Variants in COL4A2 observed in about 807,000 individuals in gnomAD.
COL4A2 encodes the protein collagen type IV alpha 2 chain, also known as collagen alpha-2(IV) chain.
Under a neutral mutation model 200.2 loss-of-function variants are expected in COL4A2, and 99 were observed. The ratio of observed to expected loss-of-function variants is 0.49; its 90% CI spans 0.42 to 0.58. COL4A2 has a LOEUF of 0.58. COL4A2 is among the 20% of genes least tolerant of loss of function. COL4A2 has a pLI of 0.00. For synonymous variants in COL4A2, 897 were observed against 900.6 expected (o/e 1.00, Z 0.07); for missense variants, 1,950 against 2,314.1 (o/e 0.84, Z 3.23).
chr13:110,487,550 A>G (rs927081154), intron 34 of COL4A2, among the ~76,000 whole-genome samples: 1 of 152,288 alleles, frequency 6.6e-6, no homozygotes, highest in Non-Finnish European at 1.5e-5. Context: ...ACTAGGAAAC[A>G]GCCCAAATGT....
intron 18 of COL4A2, 150 bp downstream of exon 18, chr13:110,447,014 C>A (rs74124349): frequency 4.0e-6 from 2 of 494,718 alleles, no homozygotes; most frequent in Non-Finnish European, 6.4e-6. Context: ...AAATAAACCA[C>A]GAAATTTAGA....
At chr13:110,462,682 A>C (rs1178930354) in intron 24 of COL4A2, among the ~76,000 whole-genome samples, 1 of 152,244 alleles carries the variant, frequency 6.6e-6, no homozygotes, top group Non-Finnish European at 1.5e-5. Context: ...CTATTCTAAA[A>C]TGGGTGGTGG....
intron 16 of COL4A2, among the ~76,000 whole-genome samples, chr13:110,445,435 G>C (rs550617591): frequency 5.3e-5 from 8 of 152,298 alleles, no homozygotes; most frequent in African/African-American, 1.7e-4. Context: ...GGAAACGTGG[G>C]GTTAGAAGAA....
Position 110,458,864 on chromosome 13 carries a change from G to C in COL4A2, c.1526G>C (p.Gly509Ala). The change falls in exon 22 of 48, where the codon GGG (glycine) becomes GCG (alanine). Residue 509 changes from glycine to alanine, a missense_variant. This residue lies in a region of COL4A2 where 1,385 missense variants were observed against 1,720.5 expected (regional missense o/e 0.80). Transcript: ENST00000360467. ...PGPKGFAGIN[G>A]EPGRKGDRGD... is the part of the protein sequence containing the mutation. ...CCCAAGGGCTTCGCAGGCATCAACG[G>C]GGAGCCGGGGAGGAAAGGGGACAGA... 6.2e-7 allele frequency: 1 copy of C among 1,612,972 alleles called. No homozygotes were observed. Among genetic ancestry groups the C allele is most frequent in the Non-Finnish European group, 8.5e-7 (1 of 1,179,388 alleles).
Position 110,357,494 on chromosome 13 carries a change from C to T in COL4A2, c.122C>T (p.Pro41Leu), listed in dbSNP as rs933086493. ...VLAGVKKFDVPCGGRDCSGGC... is the reference protein window; with the variant it reads ...VLAGVKKFDVLCGGRDCSGGC... ...CAGGGTGTGAAGAAGTTTGATGTGC[C>T]GTGTGGAGGAAGAGATTGCAGTGGG... Residue 41 changes from proline to leucine, a missense_variant, in exon 4 of 48, where the codon CCG becomes CTG. By Grantham distance (98) the Pro-to-Leu change is moderately conservative (BLOSUM62 -3). Transcript: ENST00000360467. The T allele has an allele frequency of 4.4e-6, 7 of 1,594,184 alleles. No homozygotes were observed. The highest frequency in any genetic ancestry group is 1.3e-5 in the African/African-American group (1 of 74,406).
chr13:110,435,559 A>G (rs1880839739), intron 12 of COL4A2, among the ~76,000 whole-genome samples: 2 of 152,224 alleles, frequency 1.3e-5, no homozygotes. Context: ...CATCATCTCC[A>G]TTTACTGCTG....
At chr13:110,315,968 G>A (rs1195274006) in intron 3 of COL4A2, among the ~76,000 whole-genome samples, 1 of 149,174 alleles carries the variant, frequency 6.7e-6, no homozygotes, top group African/African-American at 2.5e-5. Context: ...TTCTTACTGT[G>A]GGTTTTTTTT....
intron 14 of COL4A2, 120 bp from the exon 15 acceptor site, chr13:110,438,498 G>T: frequency 7.5e-7 from 1 of 1,326,382 alleles, no homozygotes; most frequent in Non-Finnish European, 1.1e-6. Flanking sequence ...ATCGCCAGGC[G>T]GTCTGGACAC....
At chr13:110,352,702 C>T (rs577828146) in intron 3 of COL4A2, among the ~76,000 whole-genome samples, 2 of 152,134 alleles carry the variant, frequency 1.3e-5, no homozygotes, top group South Asian at 2.1e-4. Flanking sequence ...TCGGTGGTCC[C>T]GAGTTCCCTG....
intron 3 of COL4A2, among the ~76,000 whole-genome samples, chr13:110,355,073 A>ACATTGCAAATTCC (rs1566489386): frequency 6.6e-6 from 1 of 152,268 alleles, no homozygotes; most frequent in Non-Finnish European, 1.5e-5. Flanking sequence ...GGCTGTGGTA[A>ACATTGCAAATTCC]AATACAATTT....
intron 7 of COL4A2, chr13:110,429,330 ATCT>A (rs1880588809): frequency 6.6e-6 from 1 of 152,412 alleles, no homozygotes; most frequent in Non-Finnish European, 1.5e-5. Context: ...AAACTACGTC[ATCT>A]TCTACTCTAT....
intron 4 of COL4A2, among the ~76,000 whole-genome samples, chr13:110,385,419 A>ACAGTGCGTGGATAGG (rs1878652719): frequency 1.3e-5 from 1 of 79,936 alleles, no homozygotes; most frequent in Non-Finnish European, 2.7e-5. Context: ...GTGTGGATAG[A>ACAGTGCGTGGATAGG]CTGTGGTTAC....
chr13:110,444,219 T>C (rs1287988520), intron 16 of COL4A2, among the ~76,000 whole-genome samples: 1 of 152,200 alleles, frequency 6.6e-6, no homozygotes, highest in Non-Finnish European at 1.5e-5. Context: ...TCAGCAGAGA[T>C]GGCAACACGT....
At chr13:110,467,733 C>T (rs9521791) in intron 27 of COL4A2, among the ~76,000 whole-genome samples, 15,274 of 152,254 alleles carry the variant, frequency 0.1, 808 homozygotes, top group Middle Eastern at 0.17. Flanking sequence ...CCAGGGTCTC[C>T]GTGGGCCTGT....
chr13:110,399,756 A>G (rs1879307354), intron 4 of COL4A2, among the ~76,000 whole-genome samples: 1 of 152,252 alleles, frequency 6.6e-6, no homozygotes, highest in Non-Finnish European at 1.5e-5. Flanking sequence ...TAATCTGATT[A>G]TGCCTGCCCT....
chr13:110,465,348 C>T (rs1428362304), intron 24 of COL4A2, 57 bp from the exon 25 acceptor site: 12 of 1,526,048 alleles, frequency 7.9e-6, no homozygotes, highest in South Asian at 3.9e-5. Flanking sequence ...ACAGGGAAGT[C>T]GAGGCGATCT....
chr13:110,331,588 G>A (rs1005676726), intron 3 of COL4A2, among the ~76,000 whole-genome samples: 14 of 152,308 alleles, frequency 9.2e-5, no homozygotes, highest in South Asian at 4.2e-4. Context: ...TTCACAGACC[G>A]CCGGCAGCTC....
chr13:110,462,833 G>A (rs184033102), intron 24 of COL4A2, among the ~76,000 whole-genome samples: 703 of 152,264 alleles, frequency 4.6e-3, no homozygotes, highest in Middle Eastern at 6.8e-3. Flanking sequence ...GGTCAGAGGC[G>A]CGGGAGGCAG....
intron 29 of COL4A2, among the ~76,000 whole-genome samples, chr13:110,477,011 A>G (rs556662017): frequency 8.5e-5 from 13 of 152,358 alleles, no homozygotes; most frequent in South Asian, 4.1e-4. Flanking sequence ...TATATGAGGA[A>G]TACTAAAATC....
Sources: gnomAD v4.1 joint callset for allele counts (sites outside exome capture counted in the v4.1 genomes callset) on GRCh38, gnomAD v4.1.1 for gene constraint, gnomAD v4.1.1 regional missense constraint, MANE v1.5 for transcripts, NCBI Gene and HGNC (gene_info 2026-07-23, HGNC 2026-07-21) for gene names.